L3MBTL4: variants seen among roughly 807,000 people sequenced by gnomAD.
The protein encoded by L3MBTL4 is L3MBTL histone methyl-lysine binding protein 4.
Under a neutral mutation model 84.5 loss-of-function variants are expected in L3MBTL4, and 70 were observed. The observed-to-expected ratio is 0.83, with a 90% CI of 0.68 to 1.01. The LOEUF is 1.01. L3MBTL4 is among the 50% of genes least tolerant of loss of function. The probability of loss-of-function intolerance (pLI) is 0.00; values close to 1 mark genes in which losing one functional copy is unlikely to be tolerated. For synonymous variants in L3MBTL4, 274 were observed against 259.8 expected (o/e 1.05, Z -0.52); for missense variants, 715 against 754.8 (o/e 0.95, Z 0.62).
chr18:6,161,755 G>A (rs1161755445), intron 13 of L3MBTL4, among the ~76,000 whole-genome samples: 1 of 152,026 alleles, frequency 6.6e-6, no homozygotes, highest in African/African-American at 2.4e-5. Flanking sequence ...TCCTTCCTGG[G>A]CTCACCCCAC....
At chr18:6,063,151 C>G (rs1173546327) in intron 16 of L3MBTL4, among the ~76,000 whole-genome samples, 2 of 151,888 alleles carry the variant, frequency 1.3e-5, no homozygotes, top group Non-Finnish European at 2.9e-5. Context: ...CAAGTTGCTA[C>G]AAAAGGCATT....
intron 16 of L3MBTL4, among the ~76,000 whole-genome samples, chr18:5,983,651 G>A (rs572035): frequency 0.39 from 59,215 of 151,922 alleles, 13,973 homozygotes; most frequent in African/African-American, 0.66. Context: ...CCTCTAATAA[G>A]CCATTTGAAA....
At chr18:6,138,093 C>A in intron 14 of L3MBTL4, 101 bp downstream of exon 14, 1 of 672,608 alleles carries the variant, frequency 1.5e-6, no homozygotes, top group Non-Finnish European at 2.5e-6. Context: ...GTCACAGGGG[C>A]AGCTGGCTCC....
chr18:6,236,549 A>G (rs970522548), intron 10 of L3MBTL4, among the ~76,000 whole-genome samples: 2 of 152,224 alleles, frequency 1.3e-5, no homozygotes, highest in Non-Finnish European at 2.9e-5. Context: ...TCACCAGATG[A>G]AAATGGGAAG....
At chr18:6,240,737 G>A (rs555914374) in intron 8 of L3MBTL4, among the ~76,000 whole-genome samples, 2 of 152,198 alleles carry the variant, frequency 1.3e-5, no homozygotes, top group South Asian at 4.1e-4. Context: ...CATATTTAAC[G>A]ATTGTATAAC....
intron 18 of L3MBTL4, among the ~76,000 whole-genome samples, chr18:5,956,869 C>T (rs1393121499): frequency 6.6e-6 from 1 of 151,774 alleles, no homozygotes; most frequent in Non-Finnish European, 1.5e-5. Flanking sequence ...ACTATGCAGT[C>T]ACCCAAAATC....
At chr18:6,027,985 T>G (rs2055590212) in intron 16 of L3MBTL4, among the ~76,000 whole-genome samples, 4 of 152,228 alleles carry the variant, frequency 2.6e-5, no homozygotes, top group Admixed American at 2.6e-4. Context: ...ATTCTGTAGG[T>G]TGCCTACTCA....
intron 1 of L3MBTL4, among the ~76,000 whole-genome samples, chr18:6,345,705 T>C (rs555813862): frequency 1.3e-5 from 2 of 152,132 alleles, no homozygotes; most frequent in Non-Finnish European, 2.9e-5. Flanking sequence ...TACTCCCTTT[T>C]CACAGATTGT....
intron 16 of L3MBTL4, among the ~76,000 whole-genome samples, chr18:6,018,356 G>A (rs57323514): frequency 8.5e-5 from 13 of 152,126 alleles, no homozygotes; most frequent in Non-Finnish European, 1.9e-4. Context: ...GCATGTGCAC[G>A]TGAGCAAAGG....
At chr18:6,305,524 A>G (rs996683012) in intron 3 of L3MBTL4, among the ~76,000 whole-genome samples, 2 of 152,246 alleles carry the variant, frequency 1.3e-5, no homozygotes, top group African/African-American at 2.4e-5. Context: ...CAGACAGACC[A>G]CTAAAGGAAA....
At chr18:6,115,817 C>A (rs1227379852) in intron 14 of L3MBTL4, among the ~76,000 whole-genome samples, 2 of 152,188 alleles carry the variant, frequency 1.3e-5, no homozygotes. Context: ...TACATCAGAG[C>A]CACCCAGAGA....
chr18:6,207,393 G>A (rs1193533711), intron 12 of L3MBTL4, among the ~76,000 whole-genome samples: 3 of 152,172 alleles, frequency 2.0e-5, no homozygotes, highest in Admixed American at 6.5e-5. Context: ...AGCTTTCTGC[G>A]CCTATTTCCT....
intron 16 of L3MBTL4, among the ~76,000 whole-genome samples, chr18:5,973,360 G>GT (rs2052748461): frequency 6.6e-6 from 1 of 152,218 alleles, no homozygotes. Context: ...TGGCAACCGT[G>GT]TCAGATGCTA....
At chr18:6,177,421 C>A (rs981742578) in intron 12 of L3MBTL4, among the ~76,000 whole-genome samples, 13 of 152,276 alleles carry the variant, frequency 8.5e-5, no homozygotes, top group South Asian at 2.1e-4. Flanking sequence ...CAATAGAAAC[C>A]AGGTCCATGG....
chr18:6,238,003 A>G lies in L3MBTL4; in HGVS notation c.745T>C (p.Trp249Arg), dbSNP rs776422766. The change falls in exon 10 of 19, where the codon TGG becomes CGG. Residue 249 changes from tryptophan (W) to arginine (R), a missense_variant. Physicochemically the swap from Trp to Arg is moderately radical, Grantham distance 101. Coordinates refer to ENST00000317931, the MANE Select transcript of L3MBTL4 (RefSeq NM_001330559.2). ...VNSPYVQPVG[W>R]CQENGRTLIA... ...AGAGTTCTTCCATTCTCCTGACACC[A>G]ACCAACTGGCTGGACATAAGGGCTA... is the stretch of plus-strand genomic sequence containing the variant. 2.5e-6 allele frequency: 4 copies of G among 1,614,160 alleles called. No homozygotes were observed. In the Admixed American group the frequency reaches 6.7e-5, roughly 27 times the overall value.
intron 15 of L3MBTL4, among the ~76,000 whole-genome samples, chr18:6,082,010 G>T (rs2058095430): frequency 6.6e-6 from 1 of 152,086 alleles, no homozygotes; most frequent in Admixed American, 6.6e-5. Context: ...CACCTGGGGG[G>T]CAATGCAGAG....
chr18:5,997,561 A>T (rs2054030627), intron 16 of L3MBTL4, among the ~76,000 whole-genome samples: 1 of 152,180 alleles, frequency 6.6e-6, no homozygotes, highest in South Asian at 2.1e-4. Flanking sequence ...CTAATCAGAG[A>T]CTCAAAAGAA....
intron 12 of L3MBTL4, among the ~76,000 whole-genome samples, chr18:6,194,755 C>T (rs149288287): frequency 9.1e-4 from 138 of 152,316 alleles, no homozygotes; most frequent in African/African-American, 3.2e-3. Context: ...GCAACGAAGA[C>T]ACAGGTGACA....
chr18:6,104,620 T>G (rs895723679), intron 14 of L3MBTL4, among the ~76,000 whole-genome samples: 3 of 152,216 alleles, frequency 2.0e-5, no homozygotes, highest in African/African-American at 7.2e-5. Flanking sequence ...AAGTTTTAGT[T>G]ACCCAGATGA....
Sources: gnomAD v4.1 joint callset for allele counts (sites outside exome capture counted in the v4.1 genomes callset) on GRCh38, gnomAD v4.1.1 for gene constraint, MANE v1.5 for transcripts, NCBI Gene and HGNC (gene_info 2026-07-23, HGNC 2026-07-21) for gene names.